Variants in DAB1 observed in about 807,000 individuals in gnomAD.
The protein encoded by DAB1 is DAB adaptor protein 1, also known as disabled homolog 1.
In DAB1, 15 loss-of-function variants were observed where a neutral mutation model predicts 64.6. The ratio of observed to expected loss-of-function variants is 0.23; its 90% CI spans 0.16 to 0.36. DAB1 has a LOEUF of 0.36. Ranked by LOEUF, DAB1 falls within the 10% of genes least tolerant of loss-of-function variation. DAB1 has a pLI of 1.00. For synonymous variants in DAB1, 235 were observed against 251.9 expected (o/e 0.93, Z 0.64); for missense variants, 596 against 706.7 (o/e 0.84, Z 1.78).
At chr1:58,321,486 C>T (rs550281323) in intron 4 of DAB1, among the ~76,000 whole-genome samples, 1 of 152,322 alleles carries the variant, frequency 6.6e-6, no homozygotes, top group Non-Finnish European at 1.5e-5. Flanking sequence ...TGCAAGGGGT[C>T]GGGAGATTTC....
chr1:58,240,758 G>A (rs1054401694), intron 4 of DAB1, among the ~76,000 whole-genome samples: 1 of 152,210 alleles, frequency 6.6e-6, no homozygotes, highest in Non-Finnish European at 1.5e-5. Context: ...CCCACGCCAA[G>A]ACTTGGTGGT....
intron 5 of DAB1, among the ~76,000 whole-genome samples, chr1:57,889,909 G>A (rs1250717326): frequency 8.9e-6 from 1 of 112,078 alleles, no homozygotes; most frequent in African/African-American, 3.3e-5. Flanking sequence ...CGGGGGGGGG[G>A]GAGGGGGAAG....
rs1426561897 is a variant in DAB1, at chr1:57,015,136, G to T, written c.1191C>A (p.Thr397=). The T allele has an allele frequency of 1.2e-6, 2 of 1,614,060 alleles. No homozygotes were observed. The highest frequency in any genetic ancestry group is 2.7e-5 in the African/African-American group (2 of 74,926). Residue 397 remains threonine (T), a synonymous_variant, in exon 12 of 15, where the codon ACC becomes ACA. Transcript: ENST00000371236. ...LATVPGTSDS[T]RSSPQTDKPR... Reference sequence around the variant, plus strand: ...GCTTGTCGGTCTGTGGACTTGACCTGGTGGAGTCACTCGTGCCTGGGACGG... The same window carrying T: ...GCTTGTCGGTCTGTGGACTTGACCTTGTGGAGTCACTCGTGCCTGGGACGG...
intron 1 of DAB1, among the ~76,000 whole-genome samples, chr1:57,318,935 C>T (rs536602270): frequency 6.6e-6 from 1 of 152,214 alleles, no homozygotes; most frequent in South Asian, 2.1e-4. Flanking sequence ...TATGGTCTTC[C>T]ATCAACAACA....
At chr1:57,045,102 A>T (rs1006690498) in intron 9 of DAB1, among the ~76,000 whole-genome samples, 2 of 152,334 alleles carry the variant, frequency 1.3e-5, no homozygotes. Context: ...TTAGCTTTGG[A>T]GTATGTGCCC....
At chr1:57,627,996 A>G (rs960603800) in intron 7 of DAB1, among the ~76,000 whole-genome samples, 1 of 152,306 alleles carries the variant, frequency 6.6e-6, no homozygotes, top group Admixed American at 6.5e-5. Context: ...CCTCCCTGGG[A>G]AGGCTGTTAT....
At chr1:58,137,923 G>A (rs1170496105) in intron 5 of DAB1, among the ~76,000 whole-genome samples, 1 of 152,156 alleles carries the variant, frequency 6.6e-6, no homozygotes, top group Non-Finnish European at 1.5e-5. Context: ...TACGGCACAT[G>A]CATGCATTTG....
intron 3 of DAB1, among the ~76,000 whole-genome samples, chr1:58,362,798 G>A (rs750988146): frequency 2.2e-4 from 34 of 152,186 alleles, no homozygotes; most frequent in Non-Finnish European, 4.3e-4. Context: ...GCAGTCCAAG[G>A]AGGGGATAGA....
chr1:57,426,485 AG>A (rs1685290261), upstream of DAB1, among the ~76,000 whole-genome samples: 2 of 152,324 alleles, frequency 1.3e-5, no homozygotes, highest in East Asian at 1.9e-4. Flanking sequence ...CCTAATAATT[AG>A]GGGTTTTTTT....
At chr1:57,116,946 C>T (rs1656191197) in intron 4 of DAB1, among the ~76,000 whole-genome samples, 1 of 152,158 alleles carries the variant, frequency 6.6e-6, no homozygotes, top group African/African-American at 2.4e-5. Context: ...GAATAGAGAT[C>T]TTAGTTACTT....
intron 2 of DAB1, among the ~76,000 whole-genome samples, chr1:57,198,689 A>ACACACACC (rs1228335383): frequency 6.9e-4 from 103 of 148,236 alleles, no homozygotes; most frequent in African/African-American, 1.4e-3. Flanking sequence ...ACACACACAC[A>ACACACACC]CCCATCAACT....
chr1:58,315,312 C>T (rs937682549), intron 4 of DAB1, among the ~76,000 whole-genome samples: 1 of 152,120 alleles, frequency 6.6e-6, no homozygotes, highest in African/African-American at 2.4e-5. Flanking sequence ...GGAATCTAGG[C>T]CATCACTACA....
At chr1:58,237,521 T>G (rs1481234757) in intron 4 of DAB1, among the ~76,000 whole-genome samples, 3 of 152,136 alleles carry the variant, frequency 2.0e-5, no homozygotes, top group African/African-American at 7.2e-5. Context: ...GGGGGTCATT[T>G]TTTTCTTTTT....
At chr1:58,110,712 C>T (rs1005042430) in intron 5 of DAB1, among the ~76,000 whole-genome samples, 1 of 152,196 alleles carries the variant, frequency 6.6e-6, no homozygotes, top group African/African-American at 2.4e-5. Context: ...GGCAGGTCCC[C>T]CATGAGCTTA....
intron 1 of DAB1, among the ~76,000 whole-genome samples, chr1:57,407,208 T>A (rs180970470): frequency 8.1e-4 from 124 of 152,270 alleles, no homozygotes; most frequent in African/African-American, 2.9e-3. Flanking sequence ...GGATTTGGAG[T>A]AAACAAAATG....
chr1:57,609,486 C>G (rs775703956), intron 7 of DAB1, among the ~76,000 whole-genome samples: 1 of 152,080 alleles, frequency 6.6e-6, no homozygotes, highest in Non-Finnish European at 1.5e-5. Flanking sequence ...GGGGGATCCT[C>G]GAGACGAATT....
chr1:57,518,528 G>T (rs374828396), intron 7 of DAB1, among the ~76,000 whole-genome samples: 6 of 152,298 alleles, frequency 3.9e-5, no homozygotes, highest in African/African-American at 1.4e-4. Context: ...ACAACTGTCT[G>T]AAATGTCTGG....
At chr1:57,283,786 A>G (rs553440679) in intron 2 of DAB1, among the ~76,000 whole-genome samples, 1 of 152,332 alleles carries the variant, frequency 6.6e-6, no homozygotes, top group South Asian at 2.1e-4. Context: ...GAGTGGAAGG[A>G]GCTCCAGCCA....
intron 5 of DAB1, among the ~76,000 whole-genome samples, chr1:57,898,985 C>T (rs1031937834): frequency 6.6e-6 from 1 of 151,400 alleles, no homozygotes; most frequent in Non-Finnish European, 1.5e-5. Context: ...GGGTAGGGAT[C>T]GGTTTGTTCC....
Sources: gnomAD v4.1 joint callset for allele counts (sites outside exome capture counted in the v4.1 genomes callset) on GRCh38, gnomAD v4.1.1 for gene constraint, MANE v1.5 for transcripts, NCBI Gene and HGNC (gene_info 2026-07-23, HGNC 2026-07-21) for gene names.